Variants in CYRIA observed in about 807,000 individuals in gnomAD.
CYRIA encodes the protein CYFIP-related Rac1 interactor A.
Under a neutral mutation model 43.9 loss-of-function variants are expected in CYRIA, and 15 were observed. The ratio of observed to expected loss-of-function variants is 0.34; its 90% CI spans 0.23 to 0.53. The LOEUF is 0.53. Among genes scored for constraint, CYRIA ranks in the 20% least tolerant of loss-of-function variants. The pLI, the probability that CYRIA is intolerant of heterozygous loss-of-function variation, is 0.94. For synonymous variants in CYRIA, 117 were observed against 136.0 expected (o/e 0.86, Z 0.97); for missense variants, 236 against 394.2 (o/e 0.60, Z 3.40).
intron 1 of CYRIA, among the ~76,000 whole-genome samples, chr2:16,662,713 A>C (rs1466153342): frequency 6.6e-6 from 1 of 152,194 alleles, no homozygotes; most frequent in Non-Finnish European, 1.5e-5. Context: ...CTCTCCAACC[A>C]TCACTCCATT....
intron 1 of CYRIA, among the ~76,000 whole-genome samples, chr2:16,637,839 G>A (rs1260944250): frequency 1.3e-5 from 2 of 152,196 alleles, no homozygotes; most frequent in Non-Finnish European, 2.9e-5. Flanking sequence ...CAAAGGTCCA[G>A]AGTGCTCAGG....
In CYRIA at chr2:16,564,032, AAG is replaced by A; in HGVS notation, c.253_254del (p.Leu85CysfsTer13). The part of the protein sequence containing the change: ...QEKAWNAVCP[L>X]VVRLKRFYEF... ...CGTAAAATCTCTTTAGCCTCACAAC[AAG>A]AGGGCACACCGCATTCCAAGCTTTT... On this transcript the variant is annotated frameshift_variant, in exon 5 of 12. Coordinates refer to ENST00000381323, the MANE Select transcript of CYRIA (RefSeq NM_030797.4). LOFTEE classifies it high-confidence loss of function. The A allele has an allele frequency of 1.2e-6, 2 of 1,613,638 alleles. No individual in the cohort carries two copies. The highest frequency in any genetic ancestry group is 1.7e-6 in the Non-Finnish European group (2 of 1,179,726).
At chr2:16,573,251 T>C (rs1407365184) in intron 3 of CYRIA, among the ~76,000 whole-genome samples, 1 of 152,220 alleles carries the variant, frequency 6.6e-6, no homozygotes, top group Non-Finnish European at 1.5e-5. Flanking sequence ...TTCAGGGATG[T>C]GTACAACAAT....
chr2:16,560,893 G>A (rs1558401660), intron 9 of CYRIA, 97 bp downstream of exon 9: 2 of 1,069,654 alleles, frequency 1.9e-6, no homozygotes, highest in Non-Finnish European at 2.9e-6. Context: ...AAACTTTAGG[G>A]TGTTGACCCA....
chr2:16,620,328 A>G (rs1668952190), intron 2 of CYRIA, among the ~76,000 whole-genome samples: 1 of 152,202 alleles, frequency 6.6e-6, no homozygotes, highest in South Asian at 2.1e-4. Context: ...GTTCTAAGAG[A>G]AACAAAACTT....
At chr2:16,622,543 T>G (rs1669030522) in intron 2 of CYRIA, among the ~76,000 whole-genome samples, 1 of 152,170 alleles carries the variant, frequency 6.6e-6, no homozygotes, top group Non-Finnish European at 1.5e-5. Flanking sequence ...AGCTGGTATT[T>G]GCTGAGGTCT....
Position 16,562,087 on chromosome 2 carries a change from G to A in CYRIA, c.353C>T (p.Thr118Ile), listed in dbSNP as rs762840433. ...ESLTCPPYTP[T>I]QHLEREQALA... ...GGCCTGTTCCCTTTCCAGGTGTTGGGTTGGTGTGTAGGGTGGACAAGTCAG... is the reference window on the plus strand; with the variant it reads ...GGCCTGTTCCCTTTCCAGGTGTTGGATTGGTGTGTAGGGTGGACAAGTCAG... Residue 118 changes from threonine (T) to isoleucine (I), a missense_variant, in exon 6 of 12, where the codon ACC becomes ATC. Thr to Ile is a moderately conservative substitution (Grantham distance 89). Around this residue, in one of 3 missense-constraint regions of CYRIA, gnomAD observed 193 missense variants for 303.9 expected, o/e 0.64. Coordinates refer to ENST00000381323, the MANE Select transcript of CYRIA (RefSeq NM_030797.4). 3.7e-6 allele frequency: 6 copies of A among 1,613,582 alleles called. No homozygotes were observed. Among genetic ancestry groups the A allele is most frequent in the Non-Finnish European group, 5.1e-6 (6 of 1,179,612 alleles).
At chr2:16,576,733 T>C (rs1276622072) in intron 3 of CYRIA, among the ~76,000 whole-genome samples, 1 of 152,156 alleles carries the variant, frequency 6.6e-6, no homozygotes, top group Non-Finnish European at 1.5e-5. Context: ...CCTTTTATGA[T>C]AATGTGAAAA....
At chr2:16,634,738 G>A (rs13417603) in intron 1 of CYRIA, among the ~76,000 whole-genome samples, 33,795 of 152,048 alleles carry the variant, frequency 0.22, 6,547 homozygotes, top group East Asian at 0.61. Context: ...CATGGACTTG[G>A]GGGCATTCTG....
intron 1 of CYRIA, among the ~76,000 whole-genome samples, chr2:16,639,008 T>C (rs189638390): frequency 1.3e-5 from 2 of 152,362 alleles, no homozygotes; most frequent in African/African-American, 4.8e-5. Context: ...TAATTATATC[T>C]GGATTCTCTC....
chr2:16,585,084 C>T (rs1667677491), intron 3 of CYRIA, among the ~76,000 whole-genome samples: 1 of 152,116 alleles, frequency 6.6e-6, no homozygotes, highest in Non-Finnish European at 1.5e-5. Flanking sequence ...ACACTCACAA[C>T]CATATTCAAC....
At chr2:16,609,290 GC>G (rs567952388) in intron 2 of CYRIA, among the ~76,000 whole-genome samples, 313 of 152,292 alleles carry the variant, frequency 2.1e-3, no homozygotes, top group African/African-American at 6.9e-3. Flanking sequence ...GACCCCTGGG[GC>G]CCCAGGCTCT....
intron 1 of CYRIA, among the ~76,000 whole-genome samples, chr2:16,638,188 AC>A (rs1669560266): frequency 6.6e-6 from 1 of 152,156 alleles, no homozygotes. Context: ...ACTGGAGCCC[AC>A]CCTGCAGGCT....
chr2:16,567,454 G>T (rs1339549914), intron 3 of CYRIA, among the ~76,000 whole-genome samples: 1 of 152,046 alleles, frequency 6.6e-6, no homozygotes, highest in East Asian at 1.9e-4. Flanking sequence ...ACAAAAGACA[G>T]AATTCACAAG....
At chr2:16,584,681 C>G (rs1402459578) in intron 3 of CYRIA, among the ~76,000 whole-genome samples, 5 of 152,170 alleles carry the variant, frequency 3.3e-5, no homozygotes, top group Non-Finnish European at 4.4e-5. Flanking sequence ...CTCCAGCAAG[C>G]ATTTGGTGTT....
intron 10 of CYRIA, 131 bp from the exon 11 acceptor site, chr2:16,555,270 C>T: frequency 1.2e-6 from 1 of 836,776 alleles, no homozygotes; most frequent in East Asian, 2.7e-5. Flanking sequence ...AAATGACCAA[C>T]AGGTTTTCCT....
At chr2:16,576,327 A>G (rs1298746208) in intron 3 of CYRIA, among the ~76,000 whole-genome samples, 2 of 152,218 alleles carry the variant, frequency 1.3e-5, no homozygotes, top group African/African-American at 2.4e-5. Context: ...GTTACGAACT[A>G]TCAGTAACAA....
intron 1 of CYRIA, among the ~76,000 whole-genome samples, chr2:16,635,559 C>G (rs957208327): frequency 6.6e-6 from 1 of 152,178 alleles, no homozygotes; most frequent in African/African-American, 2.4e-5. Context: ...CAAGCCTATA[C>G]TCCAGTGTGT....
chr2:16,652,843 C>T (rs1670011401), intron 1 of CYRIA, among the ~76,000 whole-genome samples: 2 of 152,214 alleles, frequency 1.3e-5, no homozygotes, highest in Non-Finnish European at 2.9e-5. Flanking sequence ...GCTTTCACTT[C>T]CAGCTTTCTC....
Sources: gnomAD v4.1 joint callset for allele counts (sites outside exome capture counted in the v4.1 genomes callset) on GRCh38, gnomAD v4.1.1 for gene constraint, gnomAD v4.1.1 regional missense constraint, MANE v1.5 for transcripts, NCBI Gene and HGNC (gene_info 2026-07-23, HGNC 2026-07-21) for gene names.